The following MTHFD2L variants were observed in gnomAD, a reference collection of about 807,000 sequenced individuals.
The protein encoded by MTHFD2L is bifunctional methylenetetrahydrofolate dehydrogenase/cyclohydrolase 2, mitochondrial.
Under a neutral mutation model 34.9 loss-of-function variants are expected in MTHFD2L, and 29 were observed. That is an observed-to-expected ratio of 0.83 (90% CI 0.62 to 1.13). The LOEUF is 1.13. MTHFD2L is among the 50% of genes most tolerant of loss of function. The pLI is 0.00. For missense variants in MTHFD2L, 481 were observed against 446.5 expected, an observed-to-expected ratio of 1.08 and a Z score of -0.70; for synonymous variants, 167 against 155.7, an observed-to-expected ratio of 1.07 and a Z score of -0.54.
intron 6 of MTHFD2L, chr4:74,266,920 G>A (rs1273561549): frequency 5.1e-6 from 5 of 985,120 alleles, no homozygotes; most frequent in African/African-American, 1.7e-5. Flanking sequence ...GTATTATCTA[G>A]ACTATCTGGC....
upstream of MTHFD2L, among the ~76,000 whole-genome samples, chr4:74,125,197 A>G (rs1002461250): frequency 2.0e-4 from 30 of 152,298 alleles, no homozygotes; most frequent in African/African-American, 6.5e-4. Flanking sequence ...AACTCCAGGT[A>G]CATGTTGATT....
intron 2 of MTHFD2L, among the ~76,000 whole-genome samples, chr4:74,115,704 A>C (rs1721645499): frequency 6.6e-6 from 1 of 152,188 alleles, no homozygotes; most frequent in South Asian, 2.1e-4. Flanking sequence ...GTGTGTGTTA[A>C]CCTGTGGTTT....
At chr4:74,230,125 G>A (rs1370229366) in intron 6 of MTHFD2L, among the ~76,000 whole-genome samples, 3 of 152,170 alleles carry the variant, frequency 2.0e-5, no homozygotes, top group Admixed American at 2.0e-4. Flanking sequence ...TCTAGTTGTT[G>A]GATTTACACA....
intron 2 of MTHFD2L, among the ~76,000 whole-genome samples, chr4:74,118,274 G>A (rs1560396762): frequency 6.6e-6 from 1 of 152,088 alleles, no homozygotes; most frequent in African/African-American, 2.4e-5. Context: ...ACCCTCTTTT[G>A]TCCTCTCCTG....
chr4:74,275,582 A>G (rs1234546087), intron 6 of MTHFD2L, among the ~76,000 whole-genome samples: 1 of 152,066 alleles, frequency 6.6e-6, no homozygotes. Context: ...AAGGGTTCCT[A>G]TTTCTCCACT....
At chr4:74,191,792 C>T (rs1429393196) in intron 3 of MTHFD2L, among the ~76,000 whole-genome samples, 2 of 151,908 alleles carry the variant, frequency 1.3e-5, no homozygotes, top group Non-Finnish European at 2.9e-5. Flanking sequence ...CTCCTGACCT[C>T]ATGATTCACC....
chr4:74,245,457 G>T (rs1422617045), intron 6 of MTHFD2L, among the ~76,000 whole-genome samples: 1 of 149,830 alleles, frequency 6.7e-6, no homozygotes, highest in Non-Finnish European at 1.5e-5. Context: ...AATATCATTA[G>T]ATATAATTAT....
chr4:74,249,838 G>T (rs1743053507), intron 6 of MTHFD2L, among the ~76,000 whole-genome samples: 1 of 152,174 alleles, frequency 6.6e-6, no homozygotes, highest in South Asian at 2.1e-4. Flanking sequence ...TAGAGTTTCT[G>T]CTGAGAGATC....
intron 1 of MTHFD2L, among the ~76,000 whole-genome samples, chr4:74,131,787 T>G (rs932009084): frequency 1.3e-5 from 2 of 152,024 alleles, no homozygotes; most frequent in African/African-American, 4.8e-5. Flanking sequence ...ATCATCAGAG[T>G]GAACAGGCAA....
intron 2 of MTHFD2L, among the ~76,000 whole-genome samples, chr4:74,116,326 A>G (rs181061557): frequency 6.6e-6 from 1 of 152,286 alleles, no homozygotes; most frequent in Admixed American, 6.5e-5. Flanking sequence ...ACTAAAGCTA[A>G]ACTAAATTCG....
chr4:74,244,738 T>C (rs1287337385), intron 6 of MTHFD2L, among the ~76,000 whole-genome samples: 3 of 152,204 alleles, frequency 2.0e-5, no homozygotes, highest in Non-Finnish European at 2.9e-5. Context: ...TTGAAGTGGC[T>C]TCAAATTCTA....
intron 6 of MTHFD2L, among the ~76,000 whole-genome samples, chr4:74,273,870 A>G (rs1410573086): frequency 6.6e-6 from 1 of 152,164 alleles, no homozygotes; most frequent in East Asian, 1.9e-4. Flanking sequence ...TTTCACAGAT[A>G]GTAAAGTTTG....
intron 1 of MTHFD2L, among the ~76,000 whole-genome samples, chr4:74,138,552 C>T (rs1428056901): frequency 6.6e-6 from 1 of 152,122 alleles, no homozygotes; most frequent in African/African-American, 2.4e-5. Context: ...GGGCACTTAA[C>T]CATGCAGGAA....
chr4:74,246,378 G>A (rs1384665782), intron 6 of MTHFD2L, among the ~76,000 whole-genome samples: 13 of 151,680 alleles, frequency 8.6e-5, no homozygotes, highest in African/African-American at 3.2e-4. Context: ...CTGGATATTG[G>A]CCCTTTGTCA....
chr4:74,245,806 C>G (rs573997536), intron 6 of MTHFD2L, among the ~76,000 whole-genome samples: 1 of 151,970 alleles, frequency 6.6e-6, no homozygotes, highest in Non-Finnish European at 1.5e-5. Flanking sequence ...AGGACATGAA[C>G]TCATCCTTTT....
chr4:74,124,924 C>A (rs1475127503), upstream of MTHFD2L, among the ~76,000 whole-genome samples: 8 of 151,310 alleles, frequency 5.3e-5, no homozygotes, highest in South Asian at 1.7e-3. Flanking sequence ...GCTGAGAGTA[C>A]AATGGTAAAC....
chr4:74,217,606 T>C (rs1737414271), intron 5 of MTHFD2L, among the ~76,000 whole-genome samples: 1 of 151,808 alleles, frequency 6.6e-6, no homozygotes, highest in South Asian at 2.1e-4. Context: ...AAACTCTATA[T>C]GTGAGGTTCT....
chr4:74,155,758 C>T (rs1724197911), upstream of MTHFD2L, among the ~76,000 whole-genome samples: 1 of 151,882 alleles, frequency 6.6e-6, no homozygotes, highest in African/African-American at 2.4e-5. Context: ...CATGGATTCA[C>T]CCCTTTATTG....
rs1443696030 is a variant in MTHFD2L, at chr4:74,225,385, G to A, written c.796G>A (p.Val266Ile). 1 of 1,612,542 alleles carries A rather than the reference G, an allele frequency of 6.2e-7. No homozygotes were observed. The highest frequency in any genetic ancestry group is 1.3e-5 in the African/African-American group (1 of 74,974). The change falls in exon 6 of 8, where the codon GTT becomes ATT. Residue 266 changes from valine (V) to isoleucine (I), a missense_variant. Physicochemically the swap from Val to Ile is conservative, Grantham distance 29. Transcript: ENST00000325278. ...TACGCAGCTGGCAGATATTATCATA[G>A]TTGCTGCAGGTAAGTCCTTAGTGAC... ...IHTQLADIII[V>I]AAGIPKLITS... is the part of the protein sequence containing the mutation.
Sources: gnomAD v4.1 joint callset for allele counts (sites outside exome capture counted in the v4.1 genomes callset) on GRCh38, gnomAD v4.1.1 for gene constraint, MANE v1.5 for transcripts, NCBI Gene and HGNC (gene_info 2026-07-23, HGNC 2026-07-21) for gene names.